The following EVI5 variants were observed in gnomAD, a reference collection of about 807,000 sequenced individuals.
EVI5 encodes the protein ecotropic viral integration site 5.
EVI5 carries 73 observed loss-of-function variants against 112.0 expected under a neutral mutation model. The ratio of observed to expected loss-of-function variants is 0.65; its 90% CI spans 0.54 to 0.79. The LOEUF is 0.79. Ranked by LOEUF, EVI5 falls within the 30% of genes least tolerant of loss-of-function variation. The pLI, the probability that EVI5 is intolerant of heterozygous loss-of-function variation, is 0.00. For synonymous variants in EVI5, 305 were observed against 319.9 expected (o/e 0.95, Z 0.50); for missense variants, 900 against 968.8 (o/e 0.93, Z 0.94).
At chr1:92,665,544 A>T (rs774665949) in intron 11 of EVI5, among the ~76,000 whole-genome samples, 2 of 152,234 alleles carry the variant, frequency 1.3e-5, no homozygotes, top group Non-Finnish European at 2.9e-5. Flanking sequence ...AAGCAATCCT[A>T]GGCCTTAAAG....
At position 92,642,465 on chromosome 1, in the gene EVI5, CATCT is replaced by C. The variant is rs560970624; in HGVS notation, c.1393-6133_1393-6130del. Among the ~76,000 whole-genome samples the C allele has an allele frequency of 8.8e-4, 134 of 152,154 alleles. 5 individuals carry two copies. The highest frequency in any genetic ancestry group is 3.1e-4 in the Non-Finnish European group (21 of 68,032). ...ATTTACCAAATTATAAGTGTAAAGT[CATCT>C]ATCTATCTTGGATTTTTAGAGAGAC... On this transcript the variant is annotated intron_variant, in intron 13 of 19. Transcript: ENST00000684568.
chr1:92,777,581 G>A (rs1232392233), intron 1 of EVI5, among the ~76,000 whole-genome samples: 2 of 152,134 alleles, frequency 1.3e-5, no homozygotes, highest in African/African-American at 2.4e-5. Flanking sequence ...TCTACCTCCT[G>A]ACACTCTTTT....
At chr1:92,760,261 A>G (rs1681607538) in intron 1 of EVI5, among the ~76,000 whole-genome samples, 1 of 152,232 alleles carries the variant, frequency 6.6e-6, no homozygotes, top group Non-Finnish European at 1.5e-5. Context: ...AATGCTGAAG[A>G]TATCAGGAGA....
At chr1:92,547,061 CT>C (rs1665844392) in intron 19 of EVI5, among the ~76,000 whole-genome samples, 1 of 152,202 alleles carries the variant, frequency 6.6e-6, no homozygotes, top group Admixed American at 6.5e-5. Flanking sequence ...CTCAGCACCA[CT>C]TCACACTTAT....
intron 18 of EVI5, among the ~76,000 whole-genome samples, chr1:92,595,767 G>A (rs998420167): frequency 2.0e-5 from 3 of 152,154 alleles, no homozygotes; most frequent in African/African-American, 7.2e-5. Context: ...GATCTTACAA[G>A]GAGGGCCAGA....
intron 15 of EVI5, 29 bp downstream of exon 15, chr1:92,625,765 A>T (rs778751462): frequency 2.5e-6 from 4 of 1,601,176 alleles, no homozygotes; most frequent in Admixed American, 1.7e-5. Flanking sequence ...ACTCTCTTTT[A>T]AAAAAGCACA....
chr1:92,517,230 C>G (rs745545872), intron 19 of EVI5, among the ~76,000 whole-genome samples: 4 of 152,160 alleles, frequency 2.6e-5, no homozygotes, highest in Non-Finnish European at 4.4e-5. Flanking sequence ...GTCATCATCA[C>G]CTAAACAATA....
At chr1:92,653,042 T>C (rs914708245) in intron 13 of EVI5, among the ~76,000 whole-genome samples, 1 of 152,148 alleles carries the variant, frequency 6.6e-6, no homozygotes, top group African/African-American at 2.4e-5. Flanking sequence ...GGGCAGTGAT[T>C]TGGGGACTTC....
chr1:92,780,986 G>C (rs905399950), intron 1 of EVI5, among the ~76,000 whole-genome samples: 1 of 151,820 alleles, frequency 6.6e-6, no homozygotes, highest in African/African-American at 2.4e-5. Flanking sequence ...TGAGTAGCTG[G>C]GATTACAGGC....
At chr1:92,542,069 G>A (rs1664906185) in intron 19 of EVI5, among the ~76,000 whole-genome samples, 2 of 152,290 alleles carry the variant, frequency 1.3e-5, no homozygotes, top group South Asian at 4.1e-4. Flanking sequence ...GGCCTTGCAT[G>A]AAGTATTTCT....
chr1:92,736,491 G>C lies in EVI5; in HGVS notation c.56C>G (p.Thr19Ser). The change falls in exon 2 of 20, where the codon ACC becomes AGC. Residue 19 changes from threonine (T) to serine (S), a missense_variant. Coordinates refer to ENST00000684568, the MANE Select transcript of EVI5 (RefSeq NM_001350197.2). The stretch of plus-strand genomic sequence containing the variant: ...TGAAAGGGCTGGTGTTGATAGTGTG[G>C]TAGATGAGGATGTGGTATGTAATGA... ...STSLHTTSSS[T>S]TLSTPALSPS... 2 of 1,613,952 alleles carry C rather than the reference G, an allele frequency of 1.2e-6. No individual in the cohort carries two copies. Among genetic ancestry groups the C allele is most frequent in the Non-Finnish European group, 8.5e-7 (1 of 1,179,900 alleles).
chr1:92,608,029 T>C (rs1557889857), intron 16 of EVI5, among the ~76,000 whole-genome samples: 2 of 151,402 alleles, frequency 1.3e-5, no homozygotes, highest in Non-Finnish European at 2.9e-5. Flanking sequence ...CGGGCACCTG[T>C]AGTCCCAGGT....
intron 9 of EVI5, among the ~76,000 whole-genome samples, chr1:92,679,291 T>A (rs114297532): frequency 0.019 from 2,909 of 152,134 alleles, 108 homozygotes; most frequent in African/African-American, 0.066. Context: ...GTCCCTAGTG[T>A]CAAAAAGGCT....
Position 92,625,911 on chromosome 1 carries a change from C to A in EVI5, c.1551G>T (p.Glu517Asp), listed in dbSNP as rs1655569406. The change falls in exon 15 of 20, where the codon GAG becomes GAT. Residue 517 changes from glutamate (E) to aspartate (D), a missense_variant. Coordinates refer to ENST00000684568, the MANE Select transcript of EVI5 (RefSeq NM_001350197.2). ...IEKRNNSLPD[E>D]NNIARLQEEL... ...CTTCCTGAAGCCTTGCAATATTATTCTCATCAGGAAGGGAGTTATTCCTCT... is the reference window on the plus strand; with the variant it reads ...CTTCCTGAAGCCTTGCAATATTATTATCATCAGGAAGGGAGTTATTCCTCT... 2.5e-6 allele frequency: 4 copies of A among 1,607,632 alleles called. No individual in the cohort carries two copies. Among genetic ancestry groups the A allele is most frequent in the Non-Finnish European group, 2.6e-6 (3 of 1,174,604 alleles).
At chr1:92,707,308 C>T (rs566682628) in intron 2 of EVI5, among the ~76,000 whole-genome samples, 4 of 151,234 alleles carry the variant, frequency 2.6e-5, no homozygotes, top group Non-Finnish European at 5.9e-5. Flanking sequence ...TGGACTTCAC[C>T]GAAATTAAAG....
intron 1 of EVI5, among the ~76,000 whole-genome samples, chr1:92,762,831 G>A (rs1346409675): frequency 6.6e-6 from 1 of 152,108 alleles, no homozygotes; most frequent in Non-Finnish European, 1.5e-5. Context: ...GGGAGGGTGG[G>A]AGGCAGGTAA....
intron 13 of EVI5, among the ~76,000 whole-genome samples, chr1:92,641,610 G>A (rs1204254943): frequency 6.6e-6 from 1 of 152,062 alleles, no homozygotes; most frequent in Non-Finnish European, 1.5e-5. Flanking sequence ...CATTTGGACC[G>A]CCATATCCAA....
At position 92,669,951 on chromosome 1, in the gene EVI5, T is replaced by G. The variant is rs72966791; in HGVS notation, c.1159-3959A>C. ...ACATTGAAAAAGAAAATAGAGACAA[T>G]TTTTTGACCTACCAAATTAGAAAAA... On this transcript the variant is annotated intron_variant, in intron 10 of 19. Coordinates refer to ENST00000684568, the MANE Select transcript of EVI5 (RefSeq NM_001350197.2). Among the ~76,000 whole-genome samples the G allele has an allele frequency of 2.9e-3, 436 of 152,058 alleles. 1 individual carries two copies. The highest frequency in any genetic ancestry group is 9.4e-3 in the African/African-American group (391 of 41,500).
chr1:92,574,906 T>G (rs892958318), intron 18 of EVI5, among the ~76,000 whole-genome samples: 3 of 152,208 alleles, frequency 2.0e-5, no homozygotes, highest in African/African-American at 7.2e-5. Context: ...AGACAGCAGA[T>G]TTTAAAAGCT....
Sources: allele counts gnomAD v4.1 joint callset (sites outside exome capture counted in the v4.1 genomes callset), GRCh38; gene constraint gnomAD v4.1.1; transcripts MANE v1.5; gene names NCBI Gene and HGNC (gene_info 2026-07-23, HGNC 2026-07-21).